The following FAT3 variants were observed in gnomAD, a reference collection of about 807,000 sequenced individuals.
FAT3 encodes the protein protocadherin Fat 3.
FAT3 carries 95 observed loss-of-function variants against 310.2 expected under a neutral mutation model. The ratio of observed to expected loss-of-function variants is 0.31; its 90% CI spans 0.26 to 0.36. FAT3 has a LOEUF of 0.36. Ranked by LOEUF, FAT3 falls within the 10% of genes least tolerant of loss-of-function variation. The pLI, the probability that FAT3 is intolerant of heterozygous loss-of-function variation, is 1.00. For synonymous variants in FAT3, 2,314 were observed against 2,192.9 expected, an observed-to-expected ratio of 1.06 and a Z score of -1.54; for missense variants, 5,408 against 5,715.6, an observed-to-expected ratio of 0.95 and a Z score of 1.74.
At chr11:92,616,394 T>G (rs928479852) in intron 3 of FAT3, among the ~76,000 whole-genome samples, 9 of 152,142 alleles carry the variant, frequency 5.9e-5, no homozygotes, top group Non-Finnish European at 1.2e-4. Flanking sequence ...ATGGGTCTCC[T>G]GAATACGGGA....
At chr11:92,678,819 A>G (rs1295110686) in intron 3 of FAT3, among the ~76,000 whole-genome samples, 1 of 152,224 alleles carries the variant, frequency 6.6e-6, no homozygotes, top group African/African-American at 2.4e-5. Context: ...AAATTTGCAC[A>G]AATTTATGTG....
chr11:92,512,509 A>ATATATATAT (rs1416994793), intron 2 of FAT3, among the ~76,000 whole-genome samples: 1 of 144,284 alleles, frequency 6.9e-6, no homozygotes, highest in African/African-American at 2.5e-5. Context: ...TCTCAAAAAA[A>ATATATATAT]AATATATATA....
At position 92,409,973 on chromosome 11, in the gene FAT3, TAAG is replaced by T. The variant is rs539026910; in HGVS notation, c.3292+54576_3292+54578del. Reference sequence around the variant, plus strand: ...GTGTTGGGTTTTTTTGACTCATTTGTAAGAAGAAGTAAATAAGAAGTATACATT... The same window carrying T: ...GTGTTGGGTTTTTTTGACTCATTTGTAAGAAGTAAATAAGAAGTATACATT... On this transcript the variant is annotated intron_variant, in intron 2 of 27. Coordinates refer to ENST00000525166, the MANE Select transcript of FAT3 (RefSeq NM_001367949.2). Among the ~76,000 whole-genome samples the T allele has an allele frequency of 2.4e-4, 36 of 152,268 alleles. No homozygotes were observed. In the East Asian group the frequency reaches 5.6e-3, roughly 24 times the overall value.
At chr11:92,480,665 G>T (rs1465805881) in intron 2 of FAT3, among the ~76,000 whole-genome samples, 1 of 152,180 alleles carries the variant, frequency 6.6e-6, no homozygotes, top group African/African-American at 2.4e-5. Context: ...GGAGATCAGA[G>T]AGGCTCCAGG....
intron 18 of FAT3, 138 bp from the exon 19 acceptor site, chr11:92,843,796 G>A: frequency 1.2e-6 from 1 of 814,274 alleles, no homozygotes; most frequent in East Asian, 2.4e-5. Flanking sequence ...CACATCCTCA[G>A]CATTTTTCAG....
intron 19 of FAT3, among the ~76,000 whole-genome samples, chr11:92,852,422 A>T (rs1219202760): frequency 2.0e-5 from 3 of 152,114 alleles, no homozygotes; most frequent in Non-Finnish European, 2.9e-5. Flanking sequence ...GCCACAAGAG[A>T]GTGGGCCCAT....
intron 1 of FAT3, among the ~76,000 whole-genome samples, chr11:92,335,212 TAAA>T (rs5793597): frequency 6.4e-5 from 9 of 141,712 alleles, no homozygotes; most frequent in African/African-American, 1.3e-4. Context: ...TTGTTTTTGT[TAAA>T]AAAAAAAAAA....
intron 2 of FAT3, among the ~76,000 whole-genome samples, chr11:92,459,787 A>G: frequency 6.6e-6 from 1 of 152,274 alleles, no homozygotes; most frequent in African/African-American, 2.4e-5. Context: ...TGTGCCAGTC[A>G]TCAAACCCAC....
chr11:92,260,259 T>A (rs959923253), intron 1 of FAT3, among the ~76,000 whole-genome samples: 6 of 152,072 alleles, frequency 3.9e-5, no homozygotes, highest in Non-Finnish European at 7.4e-5. Context: ...TGTACAAGCG[T>A]GTGTGTGTTT....
At chr11:92,368,901 CAT>C (rs55858349) in intron 2 of FAT3, among the ~76,000 whole-genome samples, 39,927 of 139,866 alleles carry the variant, frequency 0.29, 8,156 homozygotes, top group African/African-American at 0.62. Flanking sequence ...TACACACACA[CAT>C]ATATATATAC....
rs769677166 is a variant in FAT3, at chr11:92,867,206, G to A, written c.12124G>A (p.Gly4042Arg). Residue 4042 changes from glycine to arginine, a missense_variant, in exon 22 of 28, where the codon GGG becomes AGG. Coordinates refer to ENST00000525166, the MANE Select transcript of FAT3 (RefSeq NM_001367949.2). ...HGGSCTGLPS[G>R]GYQCTCLSQF... ...GGGCAGCTGCACTGGCCTGCCATCG[G>A]GGGGTGAGTGTGGCTACGCAGTGGG... 1 of 1,568,184 alleles carries A rather than the reference G, an allele frequency of 6.4e-7. No homozygotes were observed. Among genetic ancestry groups the A allele is most frequent in the South Asian group, 1.2e-5 (1 of 86,282 alleles).
At chr11:92,560,769 G>A (rs562656341) in intron 3 of FAT3, among the ~76,000 whole-genome samples, 64 of 152,222 alleles carry the variant, frequency 4.2e-4, no homozygotes, top group African/African-American at 1.5e-3. Flanking sequence ...GTAGGTGCTG[G>A]CAGATCTCTG....
intron 1 of FAT3, among the ~76,000 whole-genome samples, chr11:92,321,385 C>T (rs960504226): frequency 1.3e-5 from 2 of 150,542 alleles, no homozygotes; most frequent in African/African-American, 4.9e-5. Context: ...TGCAGTGAGC[C>T]GAGATCGCGC....
intron 2 of FAT3, among the ~76,000 whole-genome samples, chr11:92,385,122 G>A (rs1015876846): frequency 6.6e-6 from 1 of 152,204 alleles, no homozygotes; most frequent in Non-Finnish European, 1.5e-5. Flanking sequence ...TTGCATCATA[G>A]TATTACTCCT....
At chr11:92,769,118 C>G (rs1946396127) in intron 6 of FAT3, among the ~76,000 whole-genome samples, 1 of 152,132 alleles carries the variant, frequency 6.6e-6, no homozygotes, top group Admixed American at 6.6e-5. Flanking sequence ...AGATTTTGTT[C>G]CAAGCCTGGA....
intron 2 of FAT3, among the ~76,000 whole-genome samples, chr11:92,500,323 A>G (rs796277481): frequency 7.2e-5 from 11 of 152,214 alleles, no homozygotes; most frequent in African/African-American, 2.6e-4. Context: ...TAGATAATCT[A>G]TCAAGTACTT....
At chr11:92,881,013 C>T (rs138479538) in intron 23 of FAT3, 129 bp downstream of exon 23, 91 of 1,003,646 alleles carry the variant, frequency 9.1e-5, no homozygotes, top group African/African-American at 2.1e-4. Flanking sequence ...CTGCACGATA[C>T]GTATAAGGAG....
At chr11:92,632,391 A>C (rs1380613262) in intron 3 of FAT3, among the ~76,000 whole-genome samples, 1 of 152,238 alleles carries the variant, frequency 6.6e-6, no homozygotes, top group East Asian at 1.9e-4. Flanking sequence ...CATGAAAGGC[A>C]CTAATGAGAG....
At chr11:92,786,683 G>C (rs1408678939) in intron 7 of FAT3, among the ~76,000 whole-genome samples, 1 of 151,958 alleles carries the variant, frequency 6.6e-6, no homozygotes, top group African/African-American at 2.4e-5. Flanking sequence ...TTTGAGTAGG[G>C]GAAATATGGA....
Sources: gnomAD v4.1 joint callset for allele counts (sites outside exome capture counted in the v4.1 genomes callset) on GRCh38, gnomAD v4.1.1 for gene constraint, MANE v1.5 for transcripts, NCBI Gene and HGNC (gene_info 2026-07-23, HGNC 2026-07-21) for gene names.